CIDEC: variants seen among roughly 807,000 people sequenced by gnomAD.
The protein encoded by CIDEC is cell death inducing DFFA like effector c, also known as lipid transferase CIDEC.
A neutral mutation model predicts 21.9 loss-of-function variants in CIDEC; 11 were observed. The observed-to-expected ratio is 0.50, with a 90% CI of 0.32 to 0.83. The LOEUF is 0.83. Ranked by LOEUF, CIDEC falls within the 40% of genes least tolerant of loss-of-function variation. CIDEC has a pLI of 0.04. For synonymous variants in CIDEC, 127 were observed against 124.9 expected, an observed-to-expected ratio of 1.02 and a Z score of -0.11; for missense variants, 302 against 302.3, an observed-to-expected ratio of 1.00 and a Z score of 0.01.
chr3:9,870,471 T>C (rs1004339878), intron 4 of CIDEC, 149 bp from the exon 5 acceptor site: 1 of 1,536,592 alleles, frequency 6.5e-7, no homozygotes, highest in East Asian at 2.4e-5. Flanking sequence ...TCAGGGTTCC[T>C]AGTCTAGAAT....
At position 9,870,077 on chromosome 3, in the gene CIDEC, G is replaced by A; in HGVS notation, c.367-8C>T. 6.2e-7 allele frequency: 1 copy of A among 1,614,156 alleles called. No homozygotes were observed. Among genetic ancestry groups the A allele is most frequent in the Non-Finnish European group, 8.5e-7 (1 of 1,180,004 alleles). On this transcript the variant is annotated splice_region_variant and splice_polypyrimidine_tract_variant and intron_variant, in intron 5 of 6. Transcript: ENST00000336832. ...CAGTGGGTGCCTTGTCCCCTGCATT[G>A]AGACAAGCAAATGGTTAGCACCCCT...
chr3:9,871,345 ATTT>A (rs58903003), intron 4 of CIDEC, among the ~76,000 whole-genome samples: 13 of 120,676 alleles, frequency 1.1e-4, no homozygotes, highest in Admixed American at 6.0e-4. Flanking sequence ...TGCCCAGCTA[ATTT>A]TTTTTTTTTT....
chr3:9,878,856 T>C (rs1225857245), intron 2 of CIDEC, 86 bp downstream of exon 2: 2 of 1,529,178 alleles, frequency 1.3e-6, no homozygotes, highest in Non-Finnish European at 1.8e-6. Flanking sequence ...TTGCCCGATT[T>C]GTTCCTGTCC....
intron 6 of CIDEC, among the ~76,000 whole-genome samples, chr3:9,868,707 C>T (rs1430455219): frequency 6.6e-6 from 1 of 152,160 alleles, no homozygotes; most frequent in Non-Finnish European, 1.5e-5. Context: ...GTACAAATGA[C>T]TCTGGTCCAT....
At position 9,867,181 on chromosome 3, in the gene CIDEC, C is replaced by G. The variant is rs767352865; in HGVS notation, c.670G>C (p.Gly224Arg). The change falls in exon 7 of 7, where the codon GGC (glycine) becomes CGC (arginine). Residue 224 changes from glycine to arginine, a missense_variant. Gly to Arg is a moderately radical substitution (Grantham distance 125). Coordinates refer to ENST00000336832, the MANE Select transcript of CIDEC (RefSeq NM_001321142.2). ...GTCGGGATAAGGGATGAGGCCTTGC[C>G]CTTGGGGGGCTGCCCTTCCTCCGTA... ...DATEEGQPPKGKASSLIPTCL... is the reference protein window; with the variant it reads ...DATEEGQPPKRKASSLIPTCL... 3.1e-6 allele frequency: 5 copies of G among 1,613,906 alleles called. No individual in the cohort carries two copies. The Admixed American group carries it at 6.7e-5, about 22-fold the overall frequency.
At chr3:9,878,336 A>G in intron 3 of CIDEC, 98 bp downstream of exon 3, 1 of 931,282 alleles carries the variant, frequency 1.1e-6, no homozygotes, top group East Asian at 2.4e-5. Flanking sequence ...GCACTTGAAC[A>G]AGGTCCCCTG....
At chr3:9,871,639 C>CT (rs939000169) in intron 4 of CIDEC, among the ~76,000 whole-genome samples, 1 of 149,186 alleles carries the variant, frequency 6.7e-6, no homozygotes, top group Admixed American at 6.6e-5. Context: ...ATTTTTTTTT[C>CT]TTTTTTTGAG....
chr3:9,877,364 C>G, intron 3 of CIDEC, 145 bp from the exon 4 acceptor site: 1 of 832,674 alleles, frequency 1.2e-6, no homozygotes, highest in Non-Finnish European at 2.0e-6. Flanking sequence ...TAGTCTTACT[C>G]AGAAGCCTGC....
Position 9,870,598 on chromosome 3 carries a change from G to A in CIDEC, c.208-276C>T, listed in dbSNP as rs1053854917. The A allele has an allele frequency of 2.7e-5, 22 of 804,336 alleles. No homozygotes were observed. In the Admixed American group the frequency reaches 3.5e-4, roughly 13 times the overall value. The allele number at this position is 804,336 out of a possible 1,614,324, so 49.8% of individuals were successfully genotyped here. A position where few individuals can be genotyped will look rare whatever the true frequency, so the allele number is the denominator to read the frequency against. ...CAATTCAGGGTTTTTTAGTATATTC[G>A]CAAAGTTGTGCAACAATCACCACTA... On this transcript the variant is annotated intron_variant, in intron 4 of 6. Transcript: ENST00000336832.
In CIDEC at chr3:9,878,445, C is replaced by T; in HGVS notation, c.42G>A (p.Lys14=). The T allele has an allele frequency of 1.2e-6, 2 of 1,613,294 alleles. No individual in the cohort carries two copies. Among genetic ancestry groups the T allele is most frequent in the Non-Finnish European group, 1.7e-6 (2 of 1,179,246 alleles). Residue 14 remains lysine (K), a synonymous_variant, in exon 3 of 7, where the codon AAG becomes AAA. Coordinates refer to ENST00000336832, the MANE Select transcript of CIDEC (RefSeq NM_001321142.2). ...AMKSLSLLYP[K]SLSRHVSVRT... Reference sequence around the variant, plus strand: ...ATGACTTTCCTCACCTGGAGAGGGACTTGGGGTAGAGAAGGCTAAGGGACT... The same window carrying T: ...ATGACTTTCCTCACCTGGAGAGGGATTTGGGGTAGAGAAGGCTAAGGGACT...
intron 4 of CIDEC, among the ~76,000 whole-genome samples, chr3:9,872,980 C>G (rs1216063080): frequency 6.6e-6 from 1 of 151,926 alleles, no homozygotes; most frequent in Non-Finnish European, 1.5e-5. Flanking sequence ...CAGAGGAAGA[C>G]TCTGTCTAAA....
intron 4 of CIDEC, among the ~76,000 whole-genome samples, chr3:9,873,089 TG>T (rs1264623332): frequency 1.3e-5 from 2 of 152,336 alleles, no homozygotes; most frequent in Non-Finnish European, 2.9e-5. Context: ...GTTTTGGTTT[TG>T]TTTTTTTGTT....
chr3:9,878,890 C>G, intron 2 of CIDEC, 52 bp downstream of exon 2: 1 of 1,399,466 alleles, frequency 7.1e-7, no homozygotes, highest in Non-Finnish European at 9.8e-7. Context: ...CCACTTTACG[C>G]TGGCAGGAGG....
At chr3:9,870,402 C>A in intron 4 of CIDEC, 80 bp from the exon 5 acceptor site, 1 of 1,595,028 alleles carries the variant, frequency 6.3e-7, no homozygotes, top group South Asian at 1.1e-5. Context: ...GGAGCCCAGG[C>A]CCTCTGCTGT....
At chr3:9,874,988 C>T (rs1009582739) in intron 4 of CIDEC, among the ~76,000 whole-genome samples, 27 of 152,156 alleles carry the variant, frequency 1.8e-4, no homozygotes, top group Non-Finnish European at 4.4e-5. Flanking sequence ...CTGCCTCGGC[C>T]TCCCAAAGTG....
chr3:9,867,200 C>T lies in CIDEC; in HGVS notation c.651G>A (p.Glu217=). 6.2e-7 allele frequency: 1 copy of T among 1,614,106 alleles called. No individual in the cohort carries two copies. The highest frequency in any genetic ancestry group is 8.5e-7 in the Non-Finnish European group (1 of 1,180,048). Residue 217 remains glutamate, a synonymous_variant, in exon 7 of 7, where the codon GAG becomes GAA. Coordinates refer to ENST00000336832, the MANE Select transcript of CIDEC (RefSeq NM_001321142.2). ...CCTTGCCCTTGGGGGGCTGCCCTTC[C>T]TCCGTAGCATCGAGGAGCTGCTGCA... The part of the protein sequence containing the change: ...CYLQQLLDAT[E]EGQPPKGKAS...
At chr3:9,870,130 T>C in intron 5 of CIDEC, 34 bp downstream of exon 5, 1 of 1,614,054 alleles carries the variant, frequency 6.2e-7, no homozygotes, top group Non-Finnish European at 8.5e-7. Context: ...GTCCCGATTT[T>C]CTCCCCCATC....
At position 9,868,903 on chromosome 3, in the gene CIDEC, C is replaced by G. The variant is rs2082308001; in HGVS notation, c.554+979G>C. On this transcript the variant is annotated intron_variant, in intron 6 of 6. Coordinates refer to ENST00000336832, the MANE Select transcript of CIDEC (RefSeq NM_001321142.2). ...GTATGGTCATATCTCACTGCAGCCT[C>G]AAACTCCTGGGCTCAAGCAATCCTC... Among the ~76,000 whole-genome samples, 3 of 151,824 alleles carry G rather than the reference C, an allele frequency of 2.0e-5. No homozygotes were observed. In the South Asian group the frequency reaches 6.3e-4, roughly 32 times the overall value.
chr3:9,875,562 G>T (rs541283326), intron 4 of CIDEC, among the ~76,000 whole-genome samples: 2 of 152,226 alleles, frequency 1.3e-5, no homozygotes, highest in East Asian at 3.9e-4. Context: ...TCCTGACCTG[G>T]ATCCTTTCAC....
Sources: gnomAD v4.1 joint callset for allele counts (sites outside exome capture counted in the v4.1 genomes callset) on GRCh38, gnomAD v4.1.1 for gene constraint, MANE v1.5 for transcripts, NCBI Gene and HGNC (gene_info 2026-07-23, HGNC 2026-07-21) for gene names.